MYLK: variants seen among roughly 807,000 people sequenced by gnomAD.
MYLK encodes myosin light chain kinase.
Under a neutral mutation model 203.4 loss-of-function variants are expected in MYLK, and 106 were observed. That is an observed-to-expected ratio of 0.52 (90% CI 0.45 to 0.61). MYLK has a LOEUF of 0.61. Ranked by LOEUF, MYLK falls within the 20% of genes least tolerant of loss-of-function variation. The pLI is 0.00. For missense variants in MYLK, 2,072 were observed against 2,442.3 expected (o/e 0.85, Z 3.20); for synonymous variants, 867 against 959.5 (o/e 0.90, Z 1.78).
At chr3:123,712,138 A>T (rs887407614) in intron 13 of MYLK, among the ~76,000 whole-genome samples, 1 of 152,164 alleles carries the variant, frequency 6.6e-6, no homozygotes, top group Admixed American at 6.5e-5. Context: ...GGTGCTGCTG[A>T]CTCAGCACCG....
chr3:123,615,411 G>C (rs1049767534), intron 33 of MYLK, among the ~76,000 whole-genome samples: 1 of 151,520 alleles, frequency 6.6e-6, no homozygotes, highest in Non-Finnish European at 1.5e-5. Context: ...TTGGCTCACT[G>C]TAACCTCCGC....
chr3:123,652,445 C>T (rs1198240801), intron 24 of MYLK, among the ~76,000 whole-genome samples: 1 of 152,170 alleles, frequency 6.6e-6, no homozygotes, highest in African/African-American at 2.4e-5. Context: ...TGCTCAGGAC[C>T]CTCACATGGC....
chr3:123,700,006 C>G lies in MYLK; in HGVS notation c.3448+14G>C, dbSNP rs2061117494. On this transcript the variant is annotated intron_variant, in intron 18 of 33. Coordinates refer to ENST00000360304, the MANE Select transcript of MYLK (RefSeq NM_053025.4). ...ACAGAGGCCCCTTCTTCCCCAACCC[C>G]CATGCTCATTTACCTTCCTGGGAGA... The G allele has an allele frequency of 6.2e-7, 1 of 1,614,090 alleles. No individual in the cohort carries two copies. Among genetic ancestry groups the G allele is most frequent in the Non-Finnish European group, 8.5e-7 (1 of 1,180,024 alleles).
intron 20 of MYLK, among the ~76,000 whole-genome samples, chr3:123,667,537 G>A (rs1381990158): frequency 6.6e-6 from 1 of 151,980 alleles, no homozygotes; most frequent in Non-Finnish European, 1.5e-5. Flanking sequence ...CTGGGAGGTG[G>A]AGGCTGCAGT....
At chr3:123,779,704 C>T (rs189379513) in intron 4 of MYLK, among the ~76,000 whole-genome samples, 7 of 152,318 alleles carry the variant, frequency 4.6e-5, no homozygotes, top group Admixed American at 4.6e-4. Flanking sequence ...TCATCCTCAC[C>T]ATCACTATCA....
At chr3:123,705,096 A>G (rs967506816) in intron 16 of MYLK, among the ~76,000 whole-genome samples, 1 of 152,142 alleles carries the variant, frequency 6.6e-6, no homozygotes. Flanking sequence ...CAATCCTAGC[A>G]GGGACAGGCA....
chr3:123,836,124 T>C (rs1466875661), intron 2 of MYLK, among the ~76,000 whole-genome samples: 1 of 152,252 alleles, frequency 6.6e-6, no homozygotes. Context: ...TCCCATGTCA[T>C]GGAAAACTAT....
intron 30 of MYLK, among the ~76,000 whole-genome samples, chr3:123,627,417 T>G (rs900603001): frequency 1.1e-4 from 16 of 152,226 alleles, no homozygotes; most frequent in African/African-American, 3.6e-4. Context: ...TCTTACGGTG[T>G]TGTTGAATAT....
At chr3:123,767,103 C>T (rs189904308) in intron 4 of MYLK, among the ~76,000 whole-genome samples, 164 of 152,312 alleles carry the variant, frequency 1.1e-3, no homozygotes, top group African/African-American at 3.7e-3. Flanking sequence ...TCAAACTTTC[C>T]TTTCCTCCTC....
At chr3:123,834,481 A>G (rs1010427389) in intron 2 of MYLK, among the ~76,000 whole-genome samples, 3 of 152,236 alleles carry the variant, frequency 2.0e-5, no homozygotes, top group Admixed American at 1.3e-4. Flanking sequence ...TTCTCAGTGG[A>G]AAGTTGAGTT....
intron 31 of MYLK, chr3:123,622,437 C>T (rs2057917749): frequency 6.6e-6 from 1 of 152,258 alleles, no homozygotes; most frequent in South Asian, 2.1e-4. Flanking sequence ...AAGGAACACC[C>T]GCCTTGAGCC....
At chr3:123,777,607 C>T (rs988734420) in intron 4 of MYLK, among the ~76,000 whole-genome samples, 1 of 152,182 alleles carries the variant, frequency 6.6e-6, no homozygotes, top group African/African-American at 2.4e-5. Flanking sequence ...CTGAGGGCCA[C>T]AAGGCAGATG....
At chr3:123,719,156 G>A (rs545327694) in intron 13 of MYLK, among the ~76,000 whole-genome samples, 2 of 152,326 alleles carry the variant, frequency 1.3e-5, no homozygotes, top group South Asian at 4.1e-4. Flanking sequence ...GGCAAAAGGC[G>A]AGAGGTGAGA....
chr3:123,723,873 G>T (rs1014877583), intron 12 of MYLK, among the ~76,000 whole-genome samples: 4 of 152,096 alleles, frequency 2.6e-5, no homozygotes, highest in Non-Finnish European at 5.9e-5. Context: ...TTTTTGTAGC[G>T]CCTGCAAGCT....
chr3:123,769,216 C>CA (rs1446856780), intron 4 of MYLK, among the ~76,000 whole-genome samples: 3 of 152,122 alleles, frequency 2.0e-5, no homozygotes, highest in East Asian at 3.9e-4. Flanking sequence ...GATTTACGAG[C>CA]AGCCTCCAGG....
At chr3:123,657,515 G>T in intron 23 of MYLK, 87 bp from the exon 24 acceptor site, 1 of 1,399,024 alleles carries the variant, frequency 7.1e-7, no homozygotes, top group Non-Finnish European at 9.9e-7. Flanking sequence ...ATGGGGGGAA[G>T]GCAGCCTAGA....
chr3:123,814,492 C>G (rs545301689), intron 3 of MYLK, among the ~76,000 whole-genome samples: 3 of 152,142 alleles, frequency 2.0e-5, no homozygotes, highest in Admixed American at 6.5e-5. Flanking sequence ...GTCGTGAGTA[C>G]GATTACAAAT....
At chr3:123,621,267 CTAAGA>C (rs2057839919) in intron 31 of MYLK, 2 of 152,104 alleles carry the variant, frequency 1.3e-5, no homozygotes, top group South Asian at 2.1e-4. Context: ...ACAGGAATGA[CTAAGA>C]TAAGAAAACT....
At chr3:123,673,225 T>C (rs1049735641) in intron 20 of MYLK, among the ~76,000 whole-genome samples, 7 of 149,816 alleles carry the variant, frequency 4.7e-5, no homozygotes, top group African/African-American at 1.7e-4. Flanking sequence ...TACAGTGGCA[T>C]GATCACAGCT....
Sources: allele counts gnomAD v4.1 joint callset (sites outside exome capture counted in the v4.1 genomes callset), GRCh38; gene constraint gnomAD v4.1.1; transcripts MANE v1.5; gene names NCBI Gene and HGNC (gene_info 2026-07-23, HGNC 2026-07-21).